Variants in TRAPPC10 observed in about 807,000 individuals in gnomAD.
TRAPPC10 encodes the protein TRAPP 130 kDa subunit.
TRAPPC10 carries 23 observed loss-of-function variants against 125.5 expected under a neutral mutation model. That is an observed-to-expected ratio of 0.18 (90% confidence interval 0.13 to 0.26). The LOEUF is 0.26. Ranked by LOEUF, TRAPPC10 falls within the 10% of genes least tolerant of loss-of-function variation. The probability of loss-of-function intolerance (pLI) is 1.00; values close to 1 mark genes in which losing one functional copy is unlikely to be tolerated. For synonymous variants in TRAPPC10, 509 were observed against 518.0 expected, an observed-to-expected ratio of 0.98 and a Z score of 0.24; for missense variants, 1,123 against 1,308.4, an observed-to-expected ratio of 0.86 and a Z score of 2.19.
chr21:44,055,925 C>A, intron 5 of TRAPPC10, 32 bp downstream of exon 5: 1 of 1,498,590 alleles, frequency 6.7e-7, no homozygotes, highest in Non-Finnish European at 9.1e-7. Context: ...TAGACAGTTC[C>A]TTCTCTCCTT....
chr21:44,052,228 A>G, intron 3 of TRAPPC10, 52 bp from the exon 4 acceptor site: 2 of 1,457,072 alleles, frequency 1.4e-6, no homozygotes, highest in East Asian at 2.3e-5. Flanking sequence ...TTTGCTGTAT[A>G]AACTAAAGGG....
chr21:44,050,893 C>G (rs2035187237), intron 3 of TRAPPC10, among the ~76,000 whole-genome samples: 1 of 152,162 alleles, frequency 6.6e-6, no homozygotes, highest in Admixed American at 6.5e-5. Flanking sequence ...AGGCTGGGTA[C>G]AGAATTTAGG....
intron 17 of TRAPPC10, chr21:44,088,911 G>T (rs1326153419): frequency 6.0e-6 from 1 of 167,788 alleles, no homozygotes; most frequent in Non-Finnish European, 1.3e-5. Context: ...CGGCACCTGT[G>T]CTGTGTGCCG....
At chr21:44,043,306 C>G (rs374095260) in intron 3 of TRAPPC10, among the ~76,000 whole-genome samples, 1 of 148,854 alleles carries the variant, frequency 6.7e-6, no homozygotes. Flanking sequence ...CTTTACCTCC[C>G]GGGTTCAAGC....
intron 19 of TRAPPC10, among the ~76,000 whole-genome samples, chr21:44,093,139 T>G (rs2038700028): frequency 6.6e-6 from 1 of 152,208 alleles, no homozygotes; most frequent in African/African-American, 2.4e-5. Flanking sequence ...TCCCCTGTTT[T>G]GGAGCTGCAT....
chr21:44,074,293 C>T (rs778305787), intron 7 of TRAPPC10, 31 bp from the exon 8 acceptor site: 2 of 1,612,664 alleles, frequency 1.2e-6, no homozygotes, highest in Non-Finnish European at 1.7e-6. Context: ...CCCGGAGCAC[C>T]CCTCACACGT....
At chr21:44,014,769 A>G (rs1005867444) in intron 1 of TRAPPC10, among the ~76,000 whole-genome samples, 1 of 151,982 alleles carries the variant, frequency 6.6e-6, no homozygotes, top group African/African-American at 2.4e-5. Flanking sequence ...TGGATGGTAC[A>G]CTGTCCTAGA....
chr21:44,050,341 T>A (rs1232320376), intron 3 of TRAPPC10, among the ~76,000 whole-genome samples: 1 of 151,648 alleles, frequency 6.6e-6, no homozygotes, highest in Non-Finnish European at 1.5e-5. Flanking sequence ...TAATGTCCCC[T>A]TGGGATGTGG....
At chr21:44,027,417 C>T (rs1203618259) in intron 1 of TRAPPC10, among the ~76,000 whole-genome samples, 2 of 152,168 alleles carry the variant, frequency 1.3e-5, no homozygotes, top group East Asian at 1.9e-4. Flanking sequence ...ACTCTGTCTG[C>T]GGAAGGCCTT....
intron 2 of TRAPPC10, among the ~76,000 whole-genome samples, chr21:44,034,940 C>T (rs372146351): frequency 6.6e-6 from 1 of 152,198 alleles, no homozygotes. Context: ...TAAGCCCACC[C>T]ATACCTTGAT....
rs1473503530 is a variant in TRAPPC10, at chr21:44,083,103, T to C, written c.2039T>C (p.Phe680Ser). 6.2e-7 allele frequency: 1 copy of C among 1,614,172 alleles called. No individual in the cohort carries two copies. Among genetic ancestry groups the C allele is most frequent in the Admixed American group, 1.7e-5 (1 of 60,034 alleles). Residue 680 changes from phenylalanine (F) to serine (S), a missense_variant, in exon 14 of 23, where the codon TTT becomes TCT. Phe to Ser is a radical substitution (Grantham distance 155). Transcript: ENST00000291574. Reference protein sequence around the residue: ...SLPALELYEMFERSPSDNSLN... With the variant: ...SLPALELYEMSERSPSDNSLN... The stretch of plus-strand genomic sequence containing the variant: ...CCCGCGCTGGAGTTGTATGAAATGT[T>C]TGAGAGAAGCCCATCTGATAACTCC...
At chr21:44,092,512 G>A (rs975343364) in intron 19 of TRAPPC10, among the ~76,000 whole-genome samples, 3 of 152,126 alleles carry the variant, frequency 2.0e-5, no homozygotes, top group South Asian at 2.1e-4. Flanking sequence ...TGCTTTTTCC[G>A]TTTATCTTTC....
At chr21:44,031,456 A>G (rs1393576881) in intron 1 of TRAPPC10, among the ~76,000 whole-genome samples, 1 of 152,258 alleles carries the variant, frequency 6.6e-6, no homozygotes, top group Non-Finnish European at 1.5e-5. Context: ...AGTCGGCCGC[A>G]GCTGGATTCC....
intron 5 of TRAPPC10, 54 bp downstream of exon 5, chr21:44,055,947 TC>T (rs1401880565): frequency 7.1e-7 from 1 of 1,414,660 alleles, no homozygotes. Context: ...CCTCCTTTGT[TC>T]CCTCCCTCTC....
chr21:44,083,243 C>T lies in TRAPPC10; in HGVS notation c.2179C>T (p.Leu727=). The change falls in exon 14 of 23, where the codon CTG becomes TTG. Residue 727 remains leucine (L), a synonymous_variant. Transcript: ENST00000291574. ...GVALEEGAHV[L]RCSHVTLEPG... is the part of the protein sequence containing the mutation. ...GGCTCTGGAGGAGGGTGCCCACGTG[C>T]TGAGGTGCAGCCACGTGACCCTGGA... The T allele has an allele frequency of 6.2e-7, 1 of 1,614,142 alleles. No homozygotes were observed. The highest frequency in any genetic ancestry group is 8.5e-7 in the Non-Finnish European group (1 of 1,180,026).
At chr21:44,079,795 T>G (rs964585828) in intron 12 of TRAPPC10, 91 bp downstream of exon 12, 4 of 1,407,210 alleles carry the variant, frequency 2.8e-6, no homozygotes, top group Non-Finnish European at 2.9e-6. Context: ...ACACCTATTA[T>G]TAAGGAGAGA....
chr21:44,012,373 C>G lies in TRAPPC10; in HGVS notation c.-121C>G. On this transcript the variant is annotated 5_prime_UTR_variant, in exon 1 of 23. Coordinates refer to ENST00000291574, the MANE Select transcript of TRAPPC10 (RefSeq NM_003274.5). ...GCGGCAGCTGCGGCGCAACCGGCTCCGGAGCTGCCTGGCGCGGCCGGGCGG... is the reference window on the plus strand; with the variant it reads ...GCGGCAGCTGCGGCGCAACCGGCTCGGGAGCTGCCTGGCGCGGCCGGGCGG... The G allele has an allele frequency of 1.8e-5, 8 of 452,554 alleles. No homozygotes were observed. Among genetic ancestry groups the G allele is most frequent in the Non-Finnish European group, 2.3e-5 (8 of 342,996 alleles). The allele number at this position is 452,554 out of a possible 1,614,324, so 28.0% of individuals were successfully genotyped here.
At chr21:44,093,473 A>G (rs1381335607) in intron 19 of TRAPPC10, among the ~76,000 whole-genome samples, 2 of 148,614 alleles carry the variant, frequency 1.3e-5, no homozygotes, top group African/African-American at 5.0e-5. Context: ...GAAAAAAAAA[A>G]TCAGCGGGGC....
intron 12 of TRAPPC10, 73 bp from the exon 13 acceptor site, chr21:44,079,942 G>A (rs1208766482): frequency 1.5e-6 from 2 of 1,372,468 alleles, no homozygotes; most frequent in Admixed American, 3.8e-5. Flanking sequence ...GAAGGCCGTA[G>A]GAGACTTTGC....
Sources: allele counts gnomAD v4.1 joint callset (sites outside exome capture counted in the v4.1 genomes callset), GRCh38; gene constraint gnomAD v4.1.1; transcripts MANE v1.5; gene names NCBI Gene and HGNC (gene_info 2026-07-23, HGNC 2026-07-21).